Variants in IL1RAPL1 observed in about 807,000 individuals in gnomAD.
IL1RAPL1 encodes interleukin-1 receptor accessory protein-like 1.
A neutral mutation model predicts 48.4 loss-of-function variants in IL1RAPL1; 3 were observed. The ratio of observed to expected loss-of-function variants is 0.06; its 90% CI spans 0.03 to 0.16. IL1RAPL1 has a LOEUF of 0.16. Ranked by LOEUF, IL1RAPL1 falls within the 10% of genes least tolerant of loss-of-function variation. IL1RAPL1 has a pLI of 1.00. For missense variants in IL1RAPL1, 349 were observed against 530.6 expected (o/e 0.66, Z 3.36); for synonymous variants, 185 against 187.7 (o/e 0.99, Z 0.12).
chrX:29,145,527 T>C (rs777423324), intron 2 of IL1RAPL1, among the ~76,000 whole-genome samples: 9 of 112,162 alleles, frequency 8.0e-5, no homozygotes, highest in Admixed American at 2.8e-4. Context: ...CTATTTACAC[T>C]CACTGCTTTG....
At chrX:29,439,515 G>GTA (rs1934518297) in intron 5 of IL1RAPL1, among the ~76,000 whole-genome samples, 1 of 111,538 alleles carries the variant, frequency 9.0e-6, no homozygotes, top group African/African-American at 3.3e-5. Context: ...AGGCATGGAT[G>GTA]TATAAGTCTA....
chrX:28,882,583 C>T (rs62587527), intron 2 of IL1RAPL1, among the ~76,000 whole-genome samples: 1,360 of 111,552 alleles, frequency 0.012, 11 homozygotes, highest in East Asian at 0.028. Context: ...GTGGAGGTTG[C>T]GGTGAGCCAA....
At chrX:29,011,471 C>T (rs562962102) in intron 2 of IL1RAPL1, among the ~76,000 whole-genome samples, 4 of 112,410 alleles carry the variant, frequency 3.6e-5, no homozygotes, top group South Asian at 3.6e-4. Flanking sequence ...TGTTAGCCTG[C>T]GACAGCATGT....
chrX:28,687,650 C>T (rs1375510424), intron 1 of IL1RAPL1, among the ~76,000 whole-genome samples: 3 of 109,541 alleles, frequency 2.7e-5, no homozygotes, highest in South Asian at 4.0e-4. Context: ...GGCGTGGTGG[C>T]GGGCGCCTGT....
chrX:29,637,044 ACTCCGTC>A, intron 5 of IL1RAPL1, among the ~76,000 whole-genome samples: 1 of 95,226 alleles, frequency 1.1e-5, no homozygotes. Context: ...CAAGAGGGAA[ACTCCGTC>A]TCAAAAAAAA....
intron 1 of IL1RAPL1, among the ~76,000 whole-genome samples, chrX:28,599,409 C>T (rs1933995429): frequency 9.1e-6 from 1 of 110,340 alleles, no homozygotes; most frequent in Admixed American, 9.7e-5. Flanking sequence ...CCAAAGTGCC[C>T]CTCCAACTCA....
intron 1 of IL1RAPL1, among the ~76,000 whole-genome samples, chrX:28,642,970 C>A (rs979739528): frequency 3.6e-5 from 4 of 110,513 alleles, no homozygotes; most frequent in Non-Finnish European, 5.7e-5. Context: ...CTCAATGCAA[C>A]CTCCATCTCC....
chrX:29,763,152 G>A (rs1484629070), intron 6 of IL1RAPL1, among the ~76,000 whole-genome samples: 1 of 109,948 alleles, frequency 9.1e-6, no homozygotes, highest in Non-Finnish European at 1.9e-5. Flanking sequence ...TTATTTATGG[G>A]AGTTCAGTGA....
intron 3 of IL1RAPL1, among the ~76,000 whole-genome samples, chrX:29,309,954 C>A (rs1932685541): frequency 9.3e-6 from 1 of 107,219 alleles, no homozygotes; most frequent in Non-Finnish European, 1.9e-5. Flanking sequence ...ATTAGCCGAG[C>A]ATGGTGGCGG....
chrX:28,904,075 T>C (rs1416290943), intron 2 of IL1RAPL1, among the ~76,000 whole-genome samples: 1 of 110,944 alleles, frequency 9.0e-6, no homozygotes, highest in African/African-American at 3.3e-5. Flanking sequence ...TATTAGAATT[T>C]CCTTTCTTGC....
chrX:29,389,106 C>T (rs1391236195), intron 3 of IL1RAPL1, among the ~76,000 whole-genome samples: 1 of 110,728 alleles, frequency 9.0e-6, no homozygotes, highest in Admixed American at 9.7e-5. Context: ...TCTGTAATTC[C>T]AGCACTTTGG....
chrX:29,879,532 T>A (rs1446632298), intron 6 of IL1RAPL1, among the ~76,000 whole-genome samples: 4 of 109,387 alleles, frequency 3.7e-5, no homozygotes, highest in Non-Finnish European at 5.7e-5. Flanking sequence ...ATATCAAAAA[T>A]ATCATATTGT....
At chrX:28,922,877 T>G (rs1923647582) in intron 2 of IL1RAPL1, among the ~76,000 whole-genome samples, 1 of 112,048 alleles carries the variant, frequency 8.9e-6, no homozygotes, top group Admixed American at 9.5e-5. Flanking sequence ...TTGAAAAATG[T>G]AAGTTATAAT....
intron 2 of IL1RAPL1, among the ~76,000 whole-genome samples, chrX:29,052,956 A>G (rs78866058): frequency 0.027 from 2,970 of 111,564 alleles, 37 homozygotes; most frequent in East Asian, 0.061. Flanking sequence ...GGTTTGTTGT[A>G]CAGATTGTTT....
intron 5 of IL1RAPL1, among the ~76,000 whole-genome samples, chrX:29,559,573 G>A (rs1025549236): frequency 1.3e-4 from 14 of 111,047 alleles, no homozygotes; most frequent in African/African-American, 4.6e-4. Flanking sequence ...TATGCTTTTA[G>A]GAATTTATTC....
intron 6 of IL1RAPL1, among the ~76,000 whole-genome samples, chrX:29,730,425 C>T (rs1373656597): frequency 8.9e-6 from 1 of 111,998 alleles, no homozygotes; most frequent in African/African-American, 3.2e-5. Flanking sequence ...AAATAAATCT[C>T]ATGGTTTTCT....
At chrX:29,750,516 G>A (rs1375253316) in intron 6 of IL1RAPL1, among the ~76,000 whole-genome samples, 1 of 111,505 alleles carries the variant, frequency 9.0e-6, no homozygotes, top group Non-Finnish European at 1.9e-5. Flanking sequence ...GCCACACTAG[G>A]AAACAAAGAT....
At chrX:29,529,526 C>T (rs992300393) in intron 5 of IL1RAPL1, among the ~76,000 whole-genome samples, 14 of 106,358 alleles carry the variant, frequency 1.3e-4, no homozygotes, top group Non-Finnish European at 1.9e-4. Flanking sequence ...GGCTTGAACC[C>T]GGGAAGCAGA....
intron 6 of IL1RAPL1, among the ~76,000 whole-genome samples, chrX:29,786,189 A>G (rs1929493874): frequency 9.0e-6 from 1 of 111,205 alleles, no homozygotes; most frequent in Non-Finnish European, 1.9e-5. Flanking sequence ...CCAGGCATTG[A>G]GGGTACAGAT....
Sources: gnomAD v4.1 joint callset for allele counts (sites outside exome capture counted in the v4.1 genomes callset) on GRCh38, gnomAD v4.1.1 for gene constraint, MANE v1.5 for transcripts, NCBI Gene and HGNC (gene_info 2026-07-23, HGNC 2026-07-21) for gene names.